UNC80: variants seen among roughly 807,000 people sequenced by gnomAD.
The protein encoded by UNC80 is protein unc-80 homolog.
A neutral mutation model predicts 384.6 loss-of-function variants in UNC80; 164 were observed. The ratio of observed to expected loss-of-function variants is 0.43; its 90% CI spans 0.38 to 0.49. The LOEUF is 0.49. UNC80 is among the 20% of genes least tolerant of loss of function. The pLI, the probability that UNC80 is intolerant of heterozygous loss-of-function variation, is 0.00. For missense variants in UNC80, 3,330 were observed against 4,143.0 expected, an observed-to-expected ratio of 0.80 and a Z score of 5.39; for synonymous variants, 1,486 against 1,527.8, an observed-to-expected ratio of 0.97 and a Z score of 0.64.
intron 14 of UNC80, among the ~76,000 whole-genome samples, chr2:209,828,809 T>G (rs2153828399): frequency 6.6e-6 from 1 of 152,334 alleles, no homozygotes; most frequent in South Asian, 2.1e-4. Flanking sequence ...TTCTTTTGTC[T>G]CTTTTATTCA....
chr2:209,776,707 C>T (rs946661467), intron 3 of UNC80, among the ~76,000 whole-genome samples: 1 of 152,240 alleles, frequency 6.6e-6, no homozygotes, highest in Non-Finnish European at 1.5e-5. Flanking sequence ...AAAGCAACCA[C>T]TCTCATGAAC....
chr2:209,960,244 T>G (rs1005468397), intron 51 of UNC80, among the ~76,000 whole-genome samples: 70 of 152,338 alleles, frequency 4.6e-4, no homozygotes, highest in African/African-American at 1.6e-3. Context: ...AAATGTGTCC[T>G]GGTAAAAATT....
At chr2:209,801,377 C>CTTTTTTT (rs35079056) in intron 7 of UNC80, among the ~76,000 whole-genome samples, 5 of 65,976 alleles carry the variant, frequency 7.6e-5, no homozygotes, top group African/African-American at 1.1e-4. Flanking sequence ...GCAACCCCTG[C>CTTTTTTT]TTTTTTTTTT....
chr2:209,878,808 T>C lies in UNC80; in HGVS notation c.3976+719T>C, dbSNP rs1433583985. Among the ~76,000 whole-genome samples, 3 of 152,344 alleles carry C rather than the reference T, an allele frequency of 2.0e-5. No individual in the cohort carries two copies. In the East Asian group the frequency reaches 5.8e-4, roughly 29 times the overall value. On this transcript the variant is annotated intron_variant, in intron 24 of 64. Coordinates refer to ENST00000673920, the MANE Select transcript of UNC80 (RefSeq NM_001371986.1). ...TCCAGTTATAGTTATGGAATTCGTA[T>C]CTTTATATGATGAACATAGTGAGAT...
rs2080066903 is a variant in UNC80 at position 209,820,625 on chromosome 2, A to T, written c.2277A>T (p.Gly759=). Residue 759 remains glycine, a synonymous_variant, in exon 13 of 65, where the codon GGA becomes GGT. Transcript: ENST00000673920. The part of the protein sequence containing the change: ...DGGGGGGDGG[G]GGGGGGGPYE... ...GAGGTGGAGGAGGTGATGGAGGAGGAGGTGGAGGAGGTGGAGGCGGCCCTT... is the reference window on the plus strand; with the variant it reads ...GAGGTGGAGGAGGTGATGGAGGAGGTGGTGGAGGAGGTGGAGGCGGCCCTT... 6.5e-7 allele frequency: 1 copy of T among 1,549,478 alleles called. No individual in the cohort carries two copies. Among genetic ancestry groups the T allele is most frequent in the Non-Finnish European group, 8.7e-7 (1 of 1,146,068 alleles).
rs1483397535 is a variant in UNC80 at position 209,970,116 on chromosome 2, T to G, written c.8130+225T>G. On this transcript the variant is annotated intron_variant, in intron 53 of 64. Coordinates refer to ENST00000673920, the MANE Select transcript of UNC80 (RefSeq NM_001371986.1). ...AGGGATTTTGGTGTGCTGCTTCCCA[T>G]GCACTACTTTGACAATTCACCTCTT... 1.1e-5 allele frequency: 6 copies of G among 523,376 alleles called. No individual in the cohort carries two copies. In the South Asian group the frequency reaches 1.4e-4, roughly 13 times the overall value. 32.4% of individuals were successfully genotyped at this position (523,376 alleles called of 1,614,324 possible).
intron 3 of UNC80, among the ~76,000 whole-genome samples, 158 bp from the exon 4 acceptor site, chr2:209,777,100 G>A (rs58463452): frequency 0.024 from 3,662 of 152,302 alleles, 134 homozygotes; most frequent in African/African-American, 0.081. Context: ...CAGAGATTGC[G>A]GCCAGTAGGG....
At chr2:209,898,403 T>C (rs967235052) in intron 28 of UNC80, among the ~76,000 whole-genome samples, 4 of 152,160 alleles carry the variant, frequency 2.6e-5, no homozygotes, top group Non-Finnish European at 5.9e-5. Flanking sequence ...TGGATATATG[T>C]TCATATCATT....
At chr2:209,953,106 A>G (rs1260732238) in intron 47 of UNC80, among the ~76,000 whole-genome samples, 1 of 152,070 alleles carries the variant, frequency 6.6e-6, no homozygotes, top group Non-Finnish European at 1.5e-5. Context: ...TTAAACTTTA[A>G]CACAATTGGG....
At chr2:209,884,813 C>T (rs1055477206) in intron 25 of UNC80, among the ~76,000 whole-genome samples, 2 of 151,968 alleles carry the variant, frequency 1.3e-5, no homozygotes, top group Non-Finnish European at 2.9e-5. Flanking sequence ...AACCAAACAC[C>T]GCATGTTCTC....
chr2:209,832,573 C>G (rs1337435299), intron 16 of UNC80, among the ~76,000 whole-genome samples: 2 of 152,160 alleles, frequency 1.3e-5, no homozygotes, highest in Non-Finnish European at 2.9e-5. Flanking sequence ...TGAAACAATT[C>G]ACTTAACTTG....
At chr2:209,956,563 T>C (rs1448960913) in intron 48 of UNC80, among the ~76,000 whole-genome samples, 2 of 150,030 alleles carry the variant, frequency 1.3e-5, no homozygotes, top group African/African-American at 2.5e-5. Flanking sequence ...CTTGAATCCT[T>C]TTTTTTTTAA....
chr2:209,984,982 C>A, intron 61 of UNC80, 70 bp downstream of exon 61: 1 of 1,340,088 alleles, frequency 7.5e-7, no homozygotes, highest in Non-Finnish European at 1.0e-6. Context: ...TCTCCTCTGT[C>A]TCTCTGTCTT....
chr2:209,828,746 C>T (rs921876825), intron 14 of UNC80, among the ~76,000 whole-genome samples: 4 of 152,074 alleles, frequency 2.6e-5, no homozygotes, highest in Admixed American at 2.0e-4. Flanking sequence ...ATCCCTTTTC[C>T]CCTCAACCCA....
At chr2:209,912,366 AT>A (rs1390068462) in intron 29 of UNC80, among the ~76,000 whole-genome samples, 193 bp from the exon 30 acceptor site, 1 of 152,156 alleles carries the variant, frequency 6.6e-6, no homozygotes, top group East Asian at 1.9e-4. Context: ...CTCTAAGCTA[AT>A]TTTTTATTAT....
intron 22 of UNC80, among the ~76,000 whole-genome samples, chr2:209,866,437 A>G (rs192424332): frequency 6.7e-6 from 1 of 148,186 alleles, no homozygotes; most frequent in Non-Finnish European, 1.5e-5. Flanking sequence ...CAACTTGGGG[A>G]TTGGGTAAAT....
In UNC80 at chr2:209,817,870, C is replaced by T; in HGVS notation, c.1611C>T (p.Ala537=). 1 of 1,551,678 alleles carries T rather than the reference C, an allele frequency of 6.4e-7. No individual in the cohort carries two copies. The highest frequency in any genetic ancestry group is 8.7e-7 in the Non-Finnish European group (1 of 1,146,994). ...DAATEMESLS[A]RHSHSHHTLV... ...CCACTGAGATGGAGAGTCTGAGCGC[C>T]AGGCATTCCCACTCCCATCACACCC... The change falls in exon 11 of 65, where the codon GCC becomes GCT. Residue 537 remains alanine, a synonymous_variant. Transcript: ENST00000673920.
chr2:209,875,069 A>G (rs1450735113), intron 23 of UNC80, among the ~76,000 whole-genome samples: 1 of 151,946 alleles, frequency 6.6e-6, no homozygotes, highest in Non-Finnish European at 1.5e-5. Context: ...TTCTCCTCAC[A>G]GTCTCCTCTC....
At chr2:209,986,628 G>A (rs1371709982) in intron 61 of UNC80, among the ~76,000 whole-genome samples, 1 of 152,160 alleles carries the variant, frequency 6.6e-6, no homozygotes, top group Non-Finnish European at 1.5e-5. Flanking sequence ...CCGTTGATCC[G>A]TTGTTTCTGT....
Sources: gnomAD v4.1 joint callset for allele counts (sites outside exome capture counted in the v4.1 genomes callset) on GRCh38, gnomAD v4.1.1 for gene constraint, MANE v1.5 for transcripts, NCBI Gene and HGNC (gene_info 2026-07-23, HGNC 2026-07-21) for gene names.